TMC5: variants seen among roughly 807,000 people sequenced by gnomAD.
The protein encoded by TMC5 is transmembrane channel-like protein 5.
TMC5 carries 86 observed loss-of-function variants against 110.5 expected under a neutral mutation model. The ratio of observed to expected loss-of-function variants is 0.78; its 90% confidence interval spans 0.65 to 0.93. TMC5 has a LOEUF of 0.93. Among genes scored for constraint, TMC5 ranks in the 40% least tolerant of loss-of-function variants. The pLI, the probability that TMC5 is intolerant of heterozygous loss-of-function variation, is 0.00. For missense variants in TMC5, 1,144 were observed against 1,222.8 expected (o/e 0.94, Z 0.96); for synonymous variants, 455 against 439.5 (o/e 1.04, Z -0.44).
intron 1 of TMC5, among the ~76,000 whole-genome samples, chr16:19,427,508 C>A (rs1466625675): frequency 6.6e-6 from 1 of 152,002 alleles, no homozygotes; most frequent in Non-Finnish European, 1.5e-5. Context: ...CCGAGCTGGC[C>A]ATATTTGAAG....
intron 1 of TMC5, chr16:19,411,454 G>A (rs1966855602): frequency 6.6e-6 from 1 of 152,194 alleles, no homozygotes; most frequent in Non-Finnish European, 1.5e-5. Context: ...ACCCTTGGGA[G>A]ATCCAGTTTC....
chr16:19,477,590 T>C, intron 13 of TMC5, 72 bp downstream of exon 13: 1 of 991,570 alleles, frequency 1.0e-6, no homozygotes, highest in Non-Finnish European at 1.5e-6. Context: ...CAGGGGTTTC[T>C]CAAGAGCCAT....
chr16:19,485,121 T>C (rs888216260), intron 15 of TMC5, among the ~76,000 whole-genome samples: 16 of 151,534 alleles, frequency 1.1e-4, no homozygotes, highest in Non-Finnish European at 2.2e-4. Context: ...CCTTTTTTTT[T>C]TTTTTTTTAC....
At chr16:19,428,946 C>A (rs1301675332) in intron 1 of TMC5, among the ~76,000 whole-genome samples, 1 of 152,158 alleles carries the variant, frequency 6.6e-6, no homozygotes, top group African/African-American at 2.4e-5. Context: ...GTGCCTCAGC[C>A]TCCCAAGTAG....
At chr16:19,464,829 A>G (rs1232474989) in intron 8 of TMC5, among the ~76,000 whole-genome samples, 1 of 151,640 alleles carries the variant, frequency 6.6e-6, no homozygotes, top group Non-Finnish European at 1.5e-5. Context: ...ATTTTGAGAT[A>G]TATCTTTGTA....
intron 5 of TMC5, among the ~76,000 whole-genome samples, chr16:19,458,670 A>G (rs1967946086): frequency 6.6e-6 from 1 of 152,100 alleles, no homozygotes; most frequent in Non-Finnish European, 1.5e-5. Context: ...CACCTCTCAC[A>G]CTGCTGGCTC....
In TMC5 at chr16:19,477,485, T is replaced by G; in HGVS notation, c.2136T>G (p.Tyr712Ter). The G allele has an allele frequency of 6.2e-7, 1 of 1,613,192 alleles. No homozygotes were observed. The highest frequency in any genetic ancestry group is 8.5e-7 in the Non-Finnish European group (1 of 1,179,522). ...KISIIGILCY[Y>*]WLNTVALSGE... ...CAATCATTGGCATTCTTTGTTACTA[T>G]TGGCTCAACACCGTGGCCCTGTCTG... Residue 712 changes from tyrosine to a stop codon, truncating the protein, a stop_gained, in exon 13 of 22, where the codon TAT (tyrosine) becomes TAG (stop). Coordinates refer to ENST00000542583, the MANE Select transcript of TMC5 (RefSeq NM_001261841.2). LOFTEE classifies it high-confidence loss of function.
Position 19,456,855 on chromosome 16 carries a change from T to C in TMC5, c.1049-3380T>C, listed in dbSNP as rs138611900. 773 of 1,614,060 alleles carry C rather than the reference T, an allele frequency of 4.8e-4. 3 individuals carry two copies. Among genetic ancestry groups the C allele is most frequent in the South Asian group, 2.5e-3 (225 of 91,086 alleles). On this transcript the variant is annotated intron_variant, in intron 5 of 21. Coordinates refer to ENST00000542583, the MANE Select transcript of TMC5 (RefSeq NM_001261841.2). ...AACATGGTTTTGTCAATATCTGACA[T>C]TGATGTGATAGACTCTCAGACAGTC...
chr16:19,456,721 C>T (rs1464989409), intron 5 of TMC5: 14 of 1,609,422 alleles, frequency 8.7e-6, no homozygotes, highest in Non-Finnish European at 1.2e-5. Flanking sequence ...TGTCCGATGA[C>T]CACGTGAATG....
chr16:19,460,340 G>T lies in TMC5; in HGVS notation c.1148+6G>T. On this transcript the variant is annotated splice_donor_region_variant and intron_variant, in intron 6 of 21. Transcript: ENST00000542583. ...GAAGAGAAAAGGAACCTTAGGTATG[G>T]ACTAAAGGCTTTTCTTCTTTCTCAG... is the stretch of plus-strand genomic sequence containing the variant. 1.3e-6 allele frequency: 2 copies of T among 1,591,500 alleles called. No homozygotes were observed. Among genetic ancestry groups the T allele is most frequent in the South Asian group, 2.3e-5 (2 of 88,778 alleles).
intron 1 of TMC5, among the ~76,000 whole-genome samples, chr16:19,424,892 G>A (rs1967059324): frequency 6.6e-6 from 1 of 152,120 alleles, no homozygotes; most frequent in South Asian, 2.1e-4. Context: ...GAGGATGAGG[G>A]GCAAGGCCGA....
Position 19,440,520 on chromosome 16 carries a change from C to T in TMC5, c.482C>T (p.Pro161Leu), listed in dbSNP as rs763397362. 3.7e-5 allele frequency: 60 copies of T among 1,614,008 alleles called. 1 individual carries two copies. The highest frequency in any genetic ancestry group is 1.6e-4 in the Middle Eastern group (1 of 6,084). The change falls in exon 3 of 22, where the codon CCG (proline) becomes CTG (leucine). Residue 161 changes from proline (P) to leucine (L), a missense_variant. Physicochemically the swap from Pro to Leu is moderately conservative, Grantham distance 98. Transcript: ENST00000542583. The part of the protein sequence containing the change: ...THPDHFGSLE[P>L]DYPGAQSNSD... The stretch of plus-strand genomic sequence containing the variant: ...CCAGATCATTTTGGCTCCTTAGAAC[C>T]GGACTACCCTGGAGCTCAGAGCAAC...
intron 19 of TMC5, among the ~76,000 whole-genome samples, chr16:19,493,289 A>G (rs943365494): frequency 4.6e-5 from 7 of 151,930 alleles, no homozygotes; most frequent in African/African-American, 9.7e-5. Context: ...AATAACTACA[A>G]TATCATCATC....
At chr16:19,413,766 A>G (rs536873610), upstream of TMC5, among the ~76,000 whole-genome samples, 154 of 151,962 alleles carry the variant, frequency 1.0e-3, no homozygotes, top group Non-Finnish European at 1.9e-3. Context: ...CATCTACAGA[A>G]CTCAGGCTCC....
rs75801333 is a variant in TMC5, at chr16:19,427,014, C to G, written c.-307-3399C>G. On this transcript the variant is annotated intron_variant, in intron 1 of 21. Coordinates refer to ENST00000542583, the MANE Select transcript of TMC5 (RefSeq NM_001261841.2). The stretch of plus-strand genomic sequence containing the variant: ...GGGTTTTAGCACAGAACTTCTAGTG[C>G]CAAAACTGGGGAAGTCCTGGGCACA... Among the ~76,000 whole-genome samples, 45 of 152,244 alleles carry G rather than the reference C, an allele frequency of 3.0e-4. No individual in the cohort carries two copies. In the East Asian group the frequency reaches 8.7e-3, roughly 29 times the overall value.
chr16:19,455,531 A>C (rs1427892736), intron 5 of TMC5, among the ~76,000 whole-genome samples: 1 of 152,246 alleles, frequency 6.6e-6, no homozygotes, highest in Non-Finnish European at 1.5e-5. Context: ...CAAGGACTGA[A>C]GCCCCTTCTG....
chr16:19,472,413 G>A (rs1169708472), intron 11 of TMC5, among the ~76,000 whole-genome samples, 170 bp downstream of exon 11: 2 of 152,160 alleles, frequency 1.3e-5, no homozygotes, highest in Non-Finnish European at 2.9e-5. Context: ...GCTTACACCT[G>A]TAATCCCAAC....
rs967852505 is a variant in TMC5 at position 19,498,765 on chromosome 16, A to G, written c.*799A>G. 2.0e-5 allele frequency: 3 copies of G among 152,166 alleles called. No individual in the cohort carries two copies. Among genetic ancestry groups the G allele is most frequent in the Admixed American group, 2.0e-4 (3 of 15,272 alleles). The allele number at this position is 152,166 out of a possible 1,614,324, so 9.4% of individuals were successfully genotyped here. On this transcript the variant is annotated 3_prime_UTR_variant, in exon 22 of 22. Coordinates refer to ENST00000542583, the MANE Select transcript of TMC5 (RefSeq NM_001261841.2). ...TACGGAGACTGAATAAGAAAAAAGA[A>G]AAGAAAAGAAATTAGCTGGGTGCGA...
intron 3 of TMC5, among the ~76,000 whole-genome samples, chr16:19,442,618 T>C (rs1967516133): frequency 6.6e-6 from 1 of 152,220 alleles, no homozygotes; most frequent in Non-Finnish European, 1.5e-5. Context: ...CATGAGCCAC[T>C]GTGCCCAGTC....
Sources: allele counts gnomAD v4.1 joint callset (sites outside exome capture counted in the v4.1 genomes callset), GRCh38; gene constraint gnomAD v4.1.1; transcripts MANE v1.5; gene names NCBI Gene and HGNC (gene_info 2026-07-23, HGNC 2026-07-21).